The following CHLSN variants were observed in gnomAD, a reference collection of about 807,000 sequenced individuals.
The protein encoded by CHLSN is cholesin.
At chr7:1,115,221 AC>A in the CHLSN span, among the ~76,000 whole-genome samples, 3 of 152,178 alleles carry the variant, frequency 2.0e-5, no homozygotes, top group Non-Finnish European at 2.9e-5. Flanking sequence ...GAGGGAAGAA[AC>A]TGTTTGATTT....
chr7:1,080,581 T>C, the CHLSN span, among the ~76,000 whole-genome samples: 1 of 152,220 alleles, frequency 6.6e-6, no homozygotes, highest in Admixed American at 6.5e-5. Context: ...CAGGACGGTT[T>C]GTGCGCTGCC....
chr7:988,471 G>A, the CHLSN span: 1 of 1,607,398 alleles, frequency 6.2e-7, no homozygotes, highest in Non-Finnish European at 8.5e-7. Flanking sequence ...CTCCAGGGGT[G>A]GGACGGCCCC....
chr7:984,039 T>C, the CHLSN span, among the ~76,000 whole-genome samples: 2 of 152,134 alleles, frequency 1.3e-5, no homozygotes, highest in Admixed American at 6.5e-5. Flanking sequence ...TCAGGGTCTC[T>C]GGGGGCCGAG....
At chr7:1,109,599 G>C in the CHLSN span, 41 of 152,294 alleles carry the variant, frequency 2.7e-4, no homozygotes, top group African/African-American at 9.7e-4. Flanking sequence ...TGCGAACACG[G>C]AACAGGTGGA....
the CHLSN span, among the ~76,000 whole-genome samples, chr7:1,037,588 G>C: frequency 1.4e-5 from 2 of 146,610 alleles, no homozygotes; most frequent in Admixed American, 6.8e-5. Context: ...GTGAATCTCG[G>C]CTCACTACAA....
the CHLSN span, among the ~76,000 whole-genome samples, chr7:1,016,966 AC>A: frequency 2.2e-5 from 3 of 136,004 alleles, no homozygotes; most frequent in Admixed American, 7.2e-5. Flanking sequence ...ACAGCAGCAC[AC>A]GCCAGCACAC....
At chr7:1,073,420 C>T in the CHLSN span, among the ~76,000 whole-genome samples, 1 of 152,116 alleles carries the variant, frequency 6.6e-6, no homozygotes, top group Non-Finnish European at 1.5e-5. Flanking sequence ...TCCCGCCGCC[C>T]CTCAGGCTCT....
chr7:1,131,989 C>T, the CHLSN span, among the ~76,000 whole-genome samples: 1 of 152,186 alleles, frequency 6.6e-6, no homozygotes, highest in Non-Finnish European at 1.5e-5. Context: ...GGTGCCAGGA[C>T]AACTGGCTAC....
At chr7:1,103,542 G>T in the CHLSN span, among the ~76,000 whole-genome samples, 3 of 152,194 alleles carry the variant, frequency 2.0e-5, no homozygotes, top group South Asian at 6.2e-4. Context: ...TGTATCAGGA[G>T]ACATTGGCTG....
the CHLSN span, among the ~76,000 whole-genome samples, chr7:1,136,995 G>A: frequency 6.6e-6 from 1 of 152,052 alleles, no homozygotes; most frequent in Non-Finnish European, 1.5e-5. Context: ...TCTCACGATG[G>A]CTTTTAAACT....
the CHLSN span, among the ~76,000 whole-genome samples, chr7:1,004,089 A>G: frequency 1.3e-5 from 2 of 151,984 alleles, no homozygotes; most frequent in African/African-American, 4.8e-5. Flanking sequence ...CCCCATGTGC[A>G]GTGACGCAGG....
the CHLSN span, among the ~76,000 whole-genome samples, chr7:1,053,186 C>A: frequency 6.6e-6 from 1 of 150,450 alleles, no homozygotes; most frequent in Admixed American, 6.6e-5. Context: ...AGACCACGGA[C>A]AGGCAAGGAG....
chr7:1,052,796 G>T, the CHLSN span, among the ~76,000 whole-genome samples: 1 of 152,124 alleles, frequency 6.6e-6, no homozygotes, highest in Non-Finnish European at 1.5e-5. This position sits in a 1 kb window ranked among gnomAD's most constrained non-coding sequence, Gnocchi z 4.2. Flanking sequence ...CCTCAAGCCT[G>T]GCCCAAGAGG....
the CHLSN span, among the ~76,000 whole-genome samples, chr7:992,286 C>T: frequency 1.3e-5 from 2 of 152,230 alleles, no homozygotes; most frequent in African/African-American, 4.8e-5. Context: ...GGCCCTCAGC[C>T]GTGCTGCACG....
chr7:988,281 C>T, the CHLSN span: 19 of 1,587,492 alleles, frequency 1.2e-5, no homozygotes, highest in Admixed American at 1.7e-5. Flanking sequence ...CCACAGGGCA[C>T]GCCCGTGATT....
At chr7:1,082,835 C>T in the CHLSN span, among the ~76,000 whole-genome samples, 1 of 152,196 alleles carries the variant, frequency 6.6e-6, no homozygotes, top group Non-Finnish European at 1.5e-5. Flanking sequence ...AAGGAAGCAC[C>T]GGGGAGTGTG....
At chr7:1,021,333 C>A in the CHLSN span, 2 of 974,480 alleles carry the variant, frequency 2.1e-6, no homozygotes, top group African/African-American at 1.8e-5. Context: ...TCCCCAGAAG[C>A]CTTTTCATCG....
At chr7:1,117,789 G>A in the CHLSN span, among the ~76,000 whole-genome samples, 1 of 152,058 alleles carries the variant, frequency 6.6e-6, no homozygotes, top group South Asian at 2.1e-4. Context: ...CACGCAGCAT[G>A]ACATCGCTAC....
At chr7:1,104,397 G>A in the CHLSN span, among the ~76,000 whole-genome samples, 2 of 152,196 alleles carry the variant, frequency 1.3e-5, no homozygotes, top group Admixed American at 6.5e-5. Context: ...GAAACAGCGA[G>A]ACCCATCTCT....
Sources: allele counts gnomAD v4.1 joint callset (sites outside exome capture counted in the v4.1 genomes callset), GRCh38; gene constraint gnomAD v4.1.1; non-coding constraint Gnocchi (gnomAD v3.1); transcripts MANE v1.5; gene names NCBI Gene and HGNC (gene_info 2026-07-23, HGNC 2026-07-21).